The following GRIA4 variants were observed in gnomAD, a reference collection of about 807,000 sequenced individuals.
The protein encoded by GRIA4 is glutamate ionotropic receptor AMPA type subunit 4.
A neutral mutation model predicts 104.0 loss-of-function variants in GRIA4; 34 were observed. The observed-to-expected ratio is 0.33, with a 90% CI of 0.25 to 0.44. The LOEUF (loss-of-function observed/expected upper bound fraction) is 0.44. GRIA4 is among the 20% of genes least tolerant of loss of function. GRIA4 has a pLI of 1.00. For missense variants in GRIA4, 750 were observed against 1,096.5 expected (o/e 0.68, Z 4.46); for synonymous variants, 386 against 381.9 (o/e 1.01, Z -0.13).
intron 9 of GRIA4, among the ~76,000 whole-genome samples, chr11:105,908,569 TTC>T (rs1406819287): frequency 6.7e-6 from 1 of 148,874 alleles, no homozygotes; most frequent in East Asian, 2.0e-4. Context: ...AAATATGACT[TTC>T]TCTTTTTTTT....
chr11:105,634,506 AAAG>A (rs769471640), intron 3 of GRIA4, among the ~76,000 whole-genome samples: 7,881 of 70,464 alleles, frequency 0.11, 333 homozygotes, highest in Non-Finnish European at 0.14. Flanking sequence ...AGAAAGAAAG[AAAG>A]AAAGAAGAAA....
At chr11:105,710,036 T>C (rs565094438) in intron 3 of GRIA4, among the ~76,000 whole-genome samples, 6 of 152,190 alleles carry the variant, frequency 3.9e-5, no homozygotes, top group Non-Finnish European at 8.8e-5. Flanking sequence ...AATTCATCAG[T>C]ACTGCAATCC....
At chr11:105,861,522 A>G (rs145988211) in intron 4 of GRIA4, among the ~76,000 whole-genome samples, 1 of 152,170 alleles carries the variant, frequency 6.6e-6, no homozygotes, top group African/African-American at 2.4e-5. Flanking sequence ...TCATCAACAA[A>G]TAAAGCACCG....
At chr11:105,779,293 T>C (rs1591241857) in intron 4 of GRIA4, among the ~76,000 whole-genome samples, 1 of 152,080 alleles carries the variant, frequency 6.6e-6, no homozygotes, top group East Asian at 1.9e-4. Flanking sequence ...TAAAAGAGGA[T>C]ACAAACAAAT....
chr11:105,879,755 G>A (rs1280539400), intron 5 of GRIA4, among the ~76,000 whole-genome samples: 6 of 151,932 alleles, frequency 3.9e-5, no homozygotes. Context: ...GAGAAAGCTT[G>A]GATTTCTCAT....
intron 14 of GRIA4, among the ~76,000 whole-genome samples, chr11:105,967,963 C>T (rs1278114805): frequency 1.3e-5 from 2 of 152,084 alleles, no homozygotes; most frequent in African/African-American, 4.8e-5. Flanking sequence ...TGATCTTCAT[C>T]AAAAGATGTA....
At chr11:105,820,376 C>T (rs1943533058) in intron 4 of GRIA4, among the ~76,000 whole-genome samples, 1 of 152,094 alleles carries the variant, frequency 6.6e-6, no homozygotes, top group Admixed American at 6.6e-5. Flanking sequence ...ACACTGTTCA[C>T]TCCAGCCGTG....
rs74955223 is a variant in GRIA4 at position 105,716,875 on chromosome 11, G to A, written c.248-36106G>A. 3.6e-3 allele frequency among the ~76,000 whole-genome samples: 550 copies of A among 152,022 alleles called. 2 individuals are homozygous for A. Among genetic ancestry groups the A allele is most frequent in the African/African-American group, 0.012 (509 of 41,478 alleles). On this transcript the variant is annotated intron_variant, in intron 3 of 16. Transcript: ENST00000282499. ...ACTATATTATAATTTAAATTACCTC[G>A]ATGCCTTACTTTTAGAAGAGCAAAT...
intron 4 of GRIA4, among the ~76,000 whole-genome samples, chr11:105,794,115 A>C (rs1942344944): frequency 6.6e-6 from 1 of 152,020 alleles, no homozygotes; most frequent in Non-Finnish European, 1.5e-5. Context: ...GATAATGTCT[A>C]TTTTAAGGGT....
intron 14 of GRIA4, among the ~76,000 whole-genome samples, chr11:105,967,255 G>C (rs1016349638): frequency 1.3e-5 from 2 of 151,978 alleles, no homozygotes; most frequent in African/African-American, 2.4e-5. Context: ...AAATAATGAA[G>C]TCCCATTTTA....
At chr11:105,820,808 C>A (rs890142492) in intron 4 of GRIA4, among the ~76,000 whole-genome samples, 11 of 152,084 alleles carry the variant, frequency 7.2e-5, no homozygotes, top group African/African-American at 1.9e-4. Flanking sequence ...GAACAACAGA[C>A]AAAGTCACTA....
chr11:105,950,485 C>A (rs1480338040), intron 14 of GRIA4, among the ~76,000 whole-genome samples: 1 of 151,966 alleles, frequency 6.6e-6, no homozygotes, highest in Non-Finnish European at 1.5e-5. Flanking sequence ...TGGTACTGTT[C>A]TTGGGACCCA....
At chr11:105,895,651 G>GAA (rs1159742499) in intron 6 of GRIA4, among the ~76,000 whole-genome samples, 2 of 150,982 alleles carry the variant, frequency 1.3e-5, no homozygotes, top group Admixed American at 6.6e-5. Flanking sequence ...GAGAGAGAGA[G>GAA]AAAATAAATA....
At chr11:105,882,875 A>AAAGACTTAGT (rs1320741028) in intron 5 of GRIA4, among the ~76,000 whole-genome samples, 1 of 152,206 alleles carries the variant, frequency 6.6e-6, no homozygotes, top group Non-Finnish European at 1.5e-5. Context: ...ATTTTCTCCA[A>AAAGACTTAGT]CTTCCATCAA....
intron 3 of GRIA4, among the ~76,000 whole-genome samples, chr11:105,748,985 C>T (rs1171179112): frequency 2.6e-5 from 4 of 152,002 alleles, no homozygotes; most frequent in Non-Finnish European, 5.9e-5. Flanking sequence ...TGATTTCACG[C>T]AGGAAATATA....
intron 3 of GRIA4, among the ~76,000 whole-genome samples, chr11:105,702,690 CTTTCTT>C (rs1339092263): frequency 1.5e-4 from 14 of 96,118 alleles, no homozygotes; most frequent in African/African-American, 4.9e-4. Flanking sequence ...AATTATTTTC[CTTTCTT>C]TTTTTTTTTT....
chr11:105,682,983 A>G (rs987850614), intron 3 of GRIA4, among the ~76,000 whole-genome samples: 2 of 152,164 alleles, frequency 1.3e-5, no homozygotes, highest in African/African-American at 4.8e-5. Context: ...CTCGAAGGGG[A>G]AAAAAACTAT....
intron 4 of GRIA4, among the ~76,000 whole-genome samples, chr11:105,808,413 T>C (rs1943038921): frequency 6.6e-6 from 1 of 152,216 alleles, no homozygotes; most frequent in East Asian, 1.9e-4. Flanking sequence ...AAGGCAAGTA[T>C]AGATCAATTT....
intron 14 of GRIA4, among the ~76,000 whole-genome samples, chr11:105,938,679 A>G (rs1179541214): frequency 2.0e-5 from 3 of 152,214 alleles, no homozygotes; most frequent in Non-Finnish European, 2.9e-5. Context: ...CACAACAAAA[A>G]TCATTTGCAT....
Sources: allele counts gnomAD v4.1 joint callset (sites outside exome capture counted in the v4.1 genomes callset), GRCh38; gene constraint gnomAD v4.1.1; transcripts MANE v1.5; gene names NCBI Gene and HGNC (gene_info 2026-07-23, HGNC 2026-07-21).